The following VPS13D variants were observed in gnomAD, a reference collection of about 807,000 sequenced individuals.
VPS13D encodes vacuolar protein sorting 13 homolog D, also known as intermembrane lipid transfer protein VPS13D.
VPS13D carries 187 observed loss-of-function variants against 461.9 expected under a neutral mutation model. That is an observed-to-expected ratio of 0.40 (90% CI 0.36 to 0.46). The LOEUF is 0.46. Among genes scored for constraint, VPS13D ranks in the 20% least tolerant of loss-of-function variants. VPS13D has a pLI of 0.60. For missense variants in VPS13D, 4,711 were observed against 5,364.9 expected, an observed-to-expected ratio of 0.88 and a Z score of 3.81; for synonymous variants, 1,951 against 1,986.3, an observed-to-expected ratio of 0.98 and a Z score of 0.47.
At chr1:12,318,369 T>G in intron 31 of VPS13D, 32 bp downstream of exon 31, 2 of 1,586,402 alleles carry the variant, frequency 1.3e-6, no homozygotes, top group Non-Finnish European at 1.7e-6. Context: ...TCATTGGTGC[T>G]TAGTTTGGAT....
chr1:12,486,237 C>T (rs1292944511), intron 67 of VPS13D, among the ~76,000 whole-genome samples: 1 of 152,148 alleles, frequency 6.6e-6, no homozygotes, highest in Non-Finnish European at 1.5e-5. Flanking sequence ...CCATAGGTTA[C>T]ATTTAAGGGC....
intron 69 of VPS13D, among the ~76,000 whole-genome samples, chr1:12,508,257 C>T (rs781485381): frequency 6.6e-5 from 10 of 152,296 alleles, no homozygotes; most frequent in East Asian, 1.9e-4. Flanking sequence ...GGCTTTTGTT[C>T]GCTGATTCTT....
Position 12,244,426 on chromosome 1 carries a change from A to G in VPS13D, c.356A>G (p.Glu119Gly). 2 of 1,614,104 alleles carry G rather than the reference A, an allele frequency of 1.2e-6. No individual in the cohort carries two copies. The highest frequency in any genetic ancestry group is 1.7e-6 in the Non-Finnish European group (2 of 1,179,990). Residue 119 changes from glutamate (E) to glycine (G), a missense_variant, in exon 4 of 70, where the codon GAG becomes GGG. Transcript: ENST00000620676. Reference protein sequence around the residue: ...RKKALLQALEEKWKNDRQQKG... With the variant: ...RKKALLQALEGKWKNDRQQKG... ...AAAGCACTACTTCAAGCCCTGGAGG[A>G]GAAATGGAAGGCAAGGCAGAGATCT...
rs1396897097 is a variant in VPS13D at position 12,259,526 on chromosome 1, AC to A, written c.1111-1166del. ...GCTGTGTTGCCCAGGCTGATCTGGA[AC>A]TCCTGGGCTCAAGCAATTTGCCCGC... On this transcript the variant is annotated intron_variant, in intron 10 of 69. Transcript: ENST00000620676. 4.0e-5 allele frequency among the ~76,000 whole-genome samples: 6 copies of A among 150,962 alleles called. No homozygotes were observed. The South Asian group carries it at 1.0e-3, about 26-fold the overall frequency.
At chr1:12,422,368 TTC>T (rs1160326964) in intron 65 of VPS13D, among the ~76,000 whole-genome samples, 9 of 152,230 alleles carry the variant, frequency 5.9e-5, no homozygotes, top group Non-Finnish European at 1.3e-4. Flanking sequence ...TATGGTAGTT[TTC>T]TCTTTTGCTT....
At chr1:12,496,676 A>C (rs1570284972) in intron 67 of VPS13D, among the ~76,000 whole-genome samples, 1 of 152,238 alleles carries the variant, frequency 6.6e-6, no homozygotes, top group Non-Finnish European at 1.5e-5. Flanking sequence ...TCCAAGACAA[A>C]TGTGCACTCC....
intron 13 of VPS13D, among the ~76,000 whole-genome samples, chr1:12,263,229 A>G (rs963723905): frequency 2.6e-5 from 4 of 152,202 alleles, no homozygotes; most frequent in African/African-American, 4.8e-5. Flanking sequence ...TGTTTTAAAC[A>G]GTGAAACCAC....
intron 17 of VPS13D, 146 bp downstream of exon 17, chr1:12,271,270 C>A: frequency 9.6e-7 from 1 of 1,043,958 alleles, no homozygotes; most frequent in Non-Finnish European, 1.4e-6. Flanking sequence ...TATCAGCTAG[C>A]ATAGAATAGA....
At chr1:12,467,346 A>G (rs1645500309) in intron 67 of VPS13D, among the ~76,000 whole-genome samples, 1 of 151,930 alleles carries the variant, frequency 6.6e-6, no homozygotes, top group Non-Finnish European at 1.5e-5. Flanking sequence ...TAATTCTTAT[A>G]TTTTTAGTAG....
In VPS13D at chr1:12,509,593, G is replaced by C. The variant is rs991038205; in HGVS notation, c.*569G>C. The C allele has an allele frequency of 6.6e-6, 1 of 152,400 alleles. No homozygotes were observed. The highest frequency in any genetic ancestry group is 1.5e-5 in the Non-Finnish European group (1 of 68,168). The allele number at this position is 152,400 out of a possible 1,614,324, so 9.4% of individuals were successfully genotyped here. A position where few individuals can be genotyped will look rare whatever the true frequency, so the allele number is the denominator to read the frequency against. ...TCCTGAAAGGGACGCCTTTGACATCGTGGCTGTCCAGTTGGGCTGTGAGCT... is the reference window on the plus strand; with the variant it reads ...TCCTGAAAGGGACGCCTTTGACATCCTGGCTGTCCAGTTGGGCTGTGAGCT... On this transcript the variant is annotated 3_prime_UTR_variant, in exon 70 of 70. Transcript: ENST00000620676.
intron 66 of VPS13D, among the ~76,000 whole-genome samples, chr1:12,458,910 GA>G (rs1269754578): frequency 6.6e-6 from 1 of 152,198 alleles, no homozygotes; most frequent in African/African-American, 2.4e-5. Flanking sequence ...ATGCCTTTTT[GA>G]CCTGGATTGG....
intron 50 of VPS13D, among the ~76,000 whole-genome samples, chr1:12,360,851 G>A (rs1359745615): frequency 6.6e-6 from 1 of 152,126 alleles, no homozygotes; most frequent in Non-Finnish European, 1.5e-5. Context: ...TTTATAATTG[G>A]GATTGTGTTG....
At position 12,373,876 on chromosome 1, in the gene VPS13D, C is replaced by A; in HGVS notation, c.10917+18C>A. ...AAAAGAAGGTAAGAGAGCTTACAAT[C>A]AGAGTTTAGAATACAAGGTTTTTAG... On this transcript the variant is annotated intron_variant, in intron 55 of 69. Transcript: ENST00000620676. 6.3e-7 allele frequency: 1 copy of A among 1,588,304 alleles called. No individual in the cohort carries two copies. The highest frequency in any genetic ancestry group is 1.1e-5 in the South Asian group (1 of 89,966).
Position 12,288,264 on chromosome 1 carries a change from G to C in VPS13D, c.5676G>C (p.Glu1892Asp), listed in dbSNP as rs1426276420. 1 of 1,614,156 alleles carries C rather than the reference G, an allele frequency of 6.2e-7. No homozygotes were observed. Among genetic ancestry groups the C allele is most frequent in the South Asian group, 1.1e-5 (1 of 91,072 alleles). ...LSLVLNKTTS[E>D]LAKANVSKLV... ...TAGTGCTGAATAAGACCACCAGTGA[G>C]CTTGCCAAAGCAAATGTGTCCAAAT... The change falls in exon 22 of 70, where the codon GAG becomes GAC. Residue 1892 changes from glutamate to aspartate, a missense_variant. Transcript: ENST00000620676.
chr1:12,287,908 T>C (rs970730926), intron 21 of VPS13D, among the ~76,000 whole-genome samples: 3 of 152,196 alleles, frequency 2.0e-5, no homozygotes, highest in Non-Finnish European at 2.9e-5. Flanking sequence ...TATAGAATTG[T>C]ATAATATTAA....
intron 21 of VPS13D, among the ~76,000 whole-genome samples, chr1:12,285,079 A>G (rs1641920306): frequency 6.6e-6 from 1 of 152,228 alleles, no homozygotes; most frequent in African/African-American, 2.4e-5. Context: ...CTACAAGGGA[A>G]TAGGACTGGA....
At position 12,436,879 on chromosome 1, in the gene VPS13D, G is replaced by A. The variant is rs533017769; in HGVS notation, c.12334-19119G>A. 1.6e-4 allele frequency among the ~76,000 whole-genome samples: 25 copies of A among 152,252 alleles called. No homozygotes were observed. In the South Asian group the frequency reaches 3.5e-3, roughly 21 times the overall value. On this transcript the variant is annotated intron_variant, in intron 65 of 69. Coordinates refer to ENST00000620676, the MANE Select transcript of VPS13D (RefSeq NM_015378.4). Reference sequence around the variant, plus strand: ...GACAGGGTTTCTCCATGTTGGTCAGGCTGGTCTCGAACTCCCGACCTCAGG... The same window carrying A: ...GACAGGGTTTCTCCATGTTGGTCAGACTGGTCTCGAACTCCCGACCTCAGG...
At chr1:12,306,535 G>C (rs1642569586) in intron 26 of VPS13D, among the ~76,000 whole-genome samples, 1 of 152,160 alleles carries the variant, frequency 6.6e-6, no homozygotes. Context: ...GAAGTGATTT[G>C]GGATGTTTTA....
chr1:12,335,687 C>T lies in VPS13D; in HGVS notation c.8429-18C>T. 1 of 1,597,500 alleles carries T rather than the reference C, an allele frequency of 6.3e-7. No homozygotes were observed. The highest frequency in any genetic ancestry group is 8.5e-7 in the Non-Finnish European group (1 of 1,171,454). ...ATCTTTTTTAGTTCTCTTAATATCT[C>T]TGGGGGATTCTTTCTAGACCAGTAT... On this transcript the variant is annotated intron_variant, in intron 38 of 69. Coordinates refer to ENST00000620676, the MANE Select transcript of VPS13D (RefSeq NM_015378.4).
Sources: allele counts gnomAD v4.1 joint callset (sites outside exome capture counted in the v4.1 genomes callset), GRCh38; gene constraint gnomAD v4.1.1; transcripts MANE v1.5; gene names NCBI Gene and HGNC (gene_info 2026-07-23, HGNC 2026-07-21).